ABCA9: variants seen among roughly 807,000 people sequenced by gnomAD.
The protein encoded by ABCA9 is ATP binding cassette subfamily A member 9.
In ABCA9, 183 loss-of-function variants were observed where a neutral mutation model predicts 205.3. That is an observed-to-expected ratio of 0.89 (90% CI 0.79 to 1.01). ABCA9 has a LOEUF of 1.01. ABCA9 is among the 50% of genes least tolerant of loss of function. The probability of loss-of-function intolerance (pLI) is 0.00; values close to 1 mark genes in which losing one functional copy is unlikely to be tolerated. For synonymous variants in ABCA9, 651 were observed against 683.3 expected (o/e 0.95, Z 0.74); for missense variants, 1,805 against 1,912.4 (o/e 0.94, Z 1.05).
chr17:69,078,958 A>G, the ABCA9 span: 1 of 1,541,372 alleles, frequency 6.5e-7, no homozygotes, highest in Non-Finnish European at 8.8e-7. Flanking sequence ...ACAAAAAATT[A>G]CTAGGTTTGA....
intron 22 of ABCA9, 49 bp downstream of exon 22, chr17:69,016,204 C>A: frequency 7.2e-7 from 1 of 1,387,122 alleles, no homozygotes; most frequent in South Asian, 1.8e-5. Context: ...CAAGAATTTT[C>A]TTGAAAACTT....
rs1400818231 is a variant in ABCA9, at chr17:69,043,583, T to A, written c.706A>T (p.Thr236Ser). 2 of 1,612,558 alleles carry A rather than the reference T, an allele frequency of 1.2e-6. No homozygotes were observed. The highest frequency in any genetic ancestry group is 2.2e-5 in the East Asian group (1 of 44,858). Residue 236 changes from threonine to serine, a missense_variant, in exon 6 of 39, where the codon ACA (threonine) becomes TCA (serine). Physicochemically the swap from Thr to Ser is moderately conservative, Grantham distance 58. Transcript: ENST00000340001. ...TTGACTGATACATAGTATATAAATG[T>A]AGAAAAAGAAATAATGCAAAAGAAA... Reference protein sequence around the residue: ...FIFFCIISFSTFIYYVSVNVT... With the variant: ...FIFFCIISFSSFIYYVSVNVT...
At chr17:68,995,452 G>A (rs1324877619) in intron 26 of ABCA9, among the ~76,000 whole-genome samples, 3 of 151,946 alleles carry the variant, frequency 2.0e-5, no homozygotes, top group East Asian at 1.9e-4. Context: ...TATTATTGTC[G>A]CATGGCTTTT....
chr17:68,995,505 A>T (rs947997082), intron 26 of ABCA9, among the ~76,000 whole-genome samples: 3 of 151,966 alleles, frequency 2.0e-5, no homozygotes, highest in Non-Finnish European at 4.4e-5. Flanking sequence ...TCTAGCTTTA[A>T]CCCCCATCTC....
At position 69,026,407 on chromosome 17, in the gene ABCA9, T is replaced by C. The variant is rs770102334; in HGVS notation, c.2111A>G (p.Lys704Arg). 4 of 1,613,860 alleles carry C rather than the reference T, an allele frequency of 2.5e-6. No homozygotes were observed. The South Asian group carries it at 4.4e-5, about 18-fold the overall frequency. ...ATGGTAGCCTATGCCCCATTTCTTC[T>C]TAAGGAACAGAGAAGAGCCTGCACA... ...LKCAGSSLFL[K>R]KKWGIGYHLS... The change falls in exon 16 of 39, where the codon AAG (lysine) becomes AGG (arginine). Residue 704 changes from lysine to arginine, a missense_variant. Transcript: ENST00000340001.
At chr17:69,016,478 C>CTGAT in intron 21 of ABCA9, 88 bp from the exon 22 acceptor site, 2 of 1,226,396 alleles carry the variant, frequency 1.6e-6, no homozygotes, top group South Asian at 3.4e-5. Flanking sequence ...ATTCAAGTTA[C>CTGAT]TGATAATATA....
At position 68,983,691 on chromosome 17, in the gene ABCA9, C is replaced by T; in HGVS notation, c.4640+18G>A. On this transcript the variant is annotated intron_variant, in intron 36 of 38. Transcript: ENST00000340001. ...ACAAAAACCAAGGACTGTGATAAAA[C>T]AAAACACCTGTGTCTACCTTTCCTG... 6.2e-7 allele frequency: 1 copy of T among 1,612,230 alleles called. No homozygotes were observed. The highest frequency in any genetic ancestry group is 8.5e-7 in the Non-Finnish European group (1 of 1,179,456).
At position 69,049,311 on chromosome 17, in the gene ABCA9, G is replaced by T. The variant is rs61741903; in HGVS notation, c.276C>A (p.Asn92Lys). Residue 92 changes from asparagine to lysine, a missense_variant, in exon 3 of 39, where the codon AAC (asparagine) becomes AAA (lysine). By Grantham distance (94) the Asn-to-Lys change is moderately conservative. Coordinates refer to ENST00000340001, the MANE Select transcript of ABCA9 (RefSeq NM_080283.4). Reference protein sequence around the residue: ...PESKTTQEIMNKVASAPFLKG... With the variant: ...PESKTTQEIMKKVASAPFLKG... ...TTAGGAATGGGGCTGAAGCCACTTT[G>T]TTCATTATCTCTTGGGTAGTTTTGG... is the stretch of plus-strand genomic sequence containing the variant. 3.9e-3 allele frequency: 6,348 copies of T among 1,612,762 alleles called. 134 individuals carry two copies. In the African/African-American group the frequency reaches 0.054, roughly 14 times the overall value.
rs145397665 is a variant in ABCA9 at position 69,020,467 on chromosome 17, G to A, written c.2521C>T (p.Leu841Phe). The A allele has an allele frequency of 9.9e-6, 16 of 1,614,032 alleles. No individual in the cohort carries two copies. Among genetic ancestry groups the A allele is most frequent in the African/African-American group, 1.3e-5 (1 of 75,002 alleles). ...ETRKTISGVA[L>F]WRQQVCAIAK... ...ATTGCACAGACCTGCTGCCTCCAGA[G>A]CGCCACGCCACTGATTGTTTTCCTT... The change falls in exon 19 of 39, where the codon CTC becomes TTC. Residue 841 changes from leucine (L) to phenylalanine (F), a missense_variant. By Grantham distance (22) the Leu-to-Phe change is conservative. Transcript: ENST00000340001.
rs398041827 is a variant in ABCA9, at chr17:68,981,835, C to CAAAAAAA, written c.4720+720_4720+726dup. On this transcript the variant is annotated intron_variant, in intron 37 of 38. Transcript: ENST00000340001. ...CTGGCGACAAAGGAAAACTCTTTCTCAAAAAAAAAAAAAAAAAAAAAAAAA... is the reference window on the plus strand; with the variant it reads ...CTGGCGACAAAGGAAAACTCTTTCTCAAAAAAAAAAAAAAAAAAAAAAAAAAAAAAAA... 5.8e-5 allele frequency among the ~76,000 whole-genome samples: 3 copies of CAAAAAAA among 51,646 alleles called. 1 individual carries two copies. Among genetic ancestry groups the CAAAAAAA allele is most frequent in the African/African-American group, 2.7e-4 (3 of 11,192 alleles). The allele number at this position is 51,646 out of a possible 152,430, so 33.9% of individuals were successfully genotyped here.
chr17:69,007,664 CAAT>C lies in ABCA9; in HGVS notation c.3435+92_3435+94del, dbSNP rs1480551453. The C allele has an allele frequency of 9.1e-5, 69 of 756,802 alleles. No homozygotes were observed. The East Asian group carries it at 1.6e-3, about 17-fold the overall frequency. The allele number at this position is 756,802 out of a possible 1,614,324, so 46.9% of individuals were successfully genotyped here. A position where few individuals can be genotyped will look rare whatever the true frequency, so the allele number is the denominator to read the frequency against. Reference sequence around the variant, plus strand: ...AGAAGAATTAAAATTTTCTAGAGAGCAATAATAATTTGCCACTCTGCTTAGCAC... The same window carrying C: ...AGAAGAATTAAAATTTTCTAGAGAGCAATAATTTGCCACTCTGCTTAGCAC... On this transcript the variant is annotated intron_variant, in intron 25 of 38. Coordinates refer to ENST00000340001, the MANE Select transcript of ABCA9 (RefSeq NM_080283.4).
intron 5 of ABCA9, among the ~76,000 whole-genome samples, chr17:69,044,280 T>C (rs936452649): frequency 2.6e-5 from 4 of 152,226 alleles, no homozygotes; most frequent in Non-Finnish European, 4.4e-5. Flanking sequence ...TCCATGTTTC[T>C]ATCTCCCCCT....
At chr17:69,070,282 A>G in the ABCA9 span, among the ~76,000 whole-genome samples, 1 of 152,236 alleles carries the variant, frequency 6.6e-6, no homozygotes. Context: ...AATTAAAAAA[A>G]TAAAATGCAG....
Position 69,008,141 on chromosome 17 carries a change from A to G in ABCA9, c.3242T>C (p.Ile1081Thr), listed in dbSNP as rs747266950. ...ATCCATTATTTGCATTAGCAGGAGGATCAAAAAGTACAGGGAAACATCCAC... is the reference window on the plus strand; with the variant it reads ...ATCCATTATTTGCATTAGCAGGAGGGTCAAAAAGTACAGGGAAACATCCAC... The part of the protein sequence containing the change: ...ALVDVSLYFL[I>T]LLLMQIMDYI... The change falls in exon 24 of 39, where the codon ATC becomes ACC. Residue 1081 changes from isoleucine (I) to threonine (T), a missense_variant. Ile to Thr is a moderately conservative substitution (Grantham distance 89). Coordinates refer to ENST00000340001, the MANE Select transcript of ABCA9 (RefSeq NM_080283.4). 7 of 1,613,332 alleles carry G rather than the reference A, an allele frequency of 4.3e-6. No homozygotes were observed. The highest frequency in any genetic ancestry group is 5.9e-6 in the Non-Finnish European group (7 of 1,179,280).
chr17:69,074,932 A>G, the ABCA9 span, among the ~76,000 whole-genome samples: 1 of 152,152 alleles, frequency 6.6e-6, no homozygotes, highest in Non-Finnish European at 1.5e-5. Context: ...TTTCTTAATA[A>G]TAACAATTCT....
chr17:68,989,613 G>T, intron 30 of ABCA9, among the ~76,000 whole-genome samples, 200 bp downstream of exon 30: 1 of 152,088 alleles, frequency 6.6e-6, no homozygotes, highest in South Asian at 2.1e-4. Context: ...GTTTGTTTGT[G>T]TTACAGAACA....
At chr17:69,068,641 A>T in the ABCA9 span, among the ~76,000 whole-genome samples, 3 of 152,232 alleles carry the variant, frequency 2.0e-5, no homozygotes, top group Admixed American at 2.0e-4. Flanking sequence ...AGCATAAAAT[A>T]GATATATCTT....
At chr17:69,066,311 A>G in the ABCA9 span, among the ~76,000 whole-genome samples, 1 of 152,196 alleles carries the variant, frequency 6.6e-6, no homozygotes, top group African/African-American at 2.4e-5. Flanking sequence ...AAGGTTGCTC[A>G]ATACATATGT....
chr17:69,021,902 A>AGTGGCTCACGCCTG, intron 17 of ABCA9, 41 bp from the exon 18 acceptor site: 1 of 1,317,420 alleles, frequency 7.6e-7, no homozygotes, highest in Non-Finnish European at 1.0e-6. Flanking sequence ...AATATAATTT[A>AGTGGCTCACGCCTG]TAATGAGAAC....
Sources: allele counts gnomAD v4.1 joint callset (sites outside exome capture counted in the v4.1 genomes callset), GRCh38; gene constraint gnomAD v4.1.1; transcripts MANE v1.5; gene names NCBI Gene and HGNC (gene_info 2026-07-23, HGNC 2026-07-21).